CEP128: variants seen among roughly 807,000 people sequenced by gnomAD.
CEP128 encodes the protein centrosomal protein 128kDa.
Under a neutral mutation model 156.7 loss-of-function variants are expected in CEP128, and 132 were observed. That is an observed-to-expected ratio of 0.84 (90% CI 0.73 to 0.97). CEP128 has a LOEUF of 0.97. CEP128 is among the 50% of genes least tolerant of loss of function. CEP128 has a pLI of 0.00. For synonymous variants in CEP128, 469 were observed against 448.9 expected (o/e 1.04, Z -0.57); for missense variants, 1,252 against 1,281.9 (o/e 0.98, Z 0.36).
At position 80,916,576 on chromosome 14, in the gene CEP128, A is replaced by G. The variant is rs757112806; in HGVS notation, c.-15-14T>C. On this transcript the variant is annotated splice_polypyrimidine_tract_variant and intron_variant, in intron 2 of 24. Coordinates refer to ENST00000555265, the MANE Select transcript of CEP128 (RefSeq NM_152446.5). ...TGTACACAAATCCTTTTAAATAAAT[A>G]TAGGTCAAAGTTAATGAAACAGTAA... 9 of 1,598,234 alleles carry G rather than the reference A, an allele frequency of 5.6e-6. No individual in the cohort carries two copies. The African/African-American group carries it at 9.4e-5, about 17-fold the overall frequency.
chr14:80,625,769 TC>T (rs1033296073), intron 19 of CEP128, among the ~76,000 whole-genome samples: 3 of 151,714 alleles, frequency 2.0e-5, no homozygotes, highest in Non-Finnish European at 1.5e-5. Flanking sequence ...TCTTTCCCTC[TC>T]CTTCCTCTCT....
At chr14:80,856,142 A>G (rs956315761) in intron 9 of CEP128, among the ~76,000 whole-genome samples, 1 of 152,224 alleles carries the variant, frequency 6.6e-6, no homozygotes, top group East Asian at 1.9e-4. Flanking sequence ...CCCTCAGAAC[A>G]GACTAAAAGC....
At chr14:80,802,819 A>G (rs903535124) in intron 13 of CEP128, among the ~76,000 whole-genome samples, 3 of 152,240 alleles carry the variant, frequency 2.0e-5, no homozygotes, top group Admixed American at 1.3e-4. Context: ...ACTTTATGCT[A>G]ACACTAGGAT....
chr14:80,910,029 G>A (rs1383813767), intron 4 of CEP128, among the ~76,000 whole-genome samples: 1 of 152,070 alleles, frequency 6.6e-6, no homozygotes, highest in Non-Finnish European at 1.5e-5. Context: ...AAATTCTTTT[G>A]AGTCTACTAG....
Position 80,740,547 on chromosome 14 carries a change from CAGACAGAT to C in CEP128, c.2806+2520_2806+2527del, listed in dbSNP as rs1566888157. On this transcript the variant is annotated intron_variant, in intron 19 of 24. Coordinates refer to ENST00000555265, the MANE Select transcript of CEP128 (RefSeq NM_152446.5). Reference sequence around the variant, plus strand: ...ATAGATAGATAGATAGATAGATAGACAGACAGATAGATAGAAATGATGCATATTTCTTT... The same window carrying C: ...ATAGATAGATAGATAGATAGATAGACAGATAGAAATGATGCATATTTCTTT... 7.1e-5 allele frequency among the ~76,000 whole-genome samples: 7 copies of C among 99,252 alleles called. 1 individual carries two copies. Among genetic ancestry groups the C allele is most frequent in the African/African-American group, 2.1e-4 (6 of 28,142 alleles). The allele number at this position is 99,252 out of a possible 152,430, so 65.1% of individuals were successfully genotyped here.
intron 4 of CEP128, among the ~76,000 whole-genome samples, chr14:80,907,424 C>G (rs2139456150): frequency 6.6e-6 from 1 of 152,184 alleles, no homozygotes; most frequent in African/African-American, 2.4e-5. Flanking sequence ...GTTTGGGAGG[C>G]TGAGGCGGCT....
chr14:80,666,923 C>A lies in CEP128; in HGVS notation c.2806+76152G>T, dbSNP rs541393165. ...ATCAGAATGGCATAGTAAGTTCAGG[C>A]TTTGACTGTCCGTCTTTGTTTCAAA... On this transcript the variant is annotated intron_variant, in intron 19 of 24. Transcript: ENST00000555265. 2.0e-5 allele frequency among the ~76,000 whole-genome samples: 3 copies of A among 152,208 alleles called. No homozygotes were observed. In the East Asian group the frequency reaches 5.8e-4, roughly 29 times the overall value.
At position 80,711,295 on chromosome 14, in the gene CEP128, TTGTGTGTGTG is replaced by T. The variant is rs138953286; in HGVS notation, c.2806+31770_2806+31779del. 2.4e-3 allele frequency among the ~76,000 whole-genome samples: 353 copies of T among 145,844 alleles called. 3 individuals are homozygous for T. The highest frequency in any genetic ancestry group is 6.9e-3 in the African/African-American group (270 of 39,140). On this transcript the variant is annotated intron_variant, in intron 19 of 24. Transcript: ENST00000555265. ...CTAAAGACTGACATATAAGACTATG[TTGTGTGTGTG>T]TGTGTGTGTGTGTGTGTGTGTGTGT...
chr14:80,862,850 C>G lies in CEP128; in HGVS notation c.669G>C (p.Arg223=), dbSNP rs913167281. The part of the protein sequence containing the change: ...QEVVSDRVER[R]LQELEREMRT... Reference sequence around the variant, plus strand: ...GCATCTCTCTCTCCAGTTCCTGAAGCCGCCGCTCCACCCGATCTGAAACCT... The same window carrying G: ...GCATCTCTCTCTCCAGTTCCTGAAGGCGCCGCTCCACCCGATCTGAAACCT... The change falls in exon 9 of 25, where the codon CGG becomes CGC. Residue 223 remains arginine, a synonymous_variant. Transcript: ENST00000555265. The G allele has an allele frequency of 6.2e-6, 10 of 1,613,958 alleles. No individual in the cohort carries two copies. The highest frequency in any genetic ancestry group is 8.5e-6 in the Non-Finnish European group (10 of 1,179,892).
chr14:80,616,183 A>C (rs1324698799), intron 19 of CEP128, among the ~76,000 whole-genome samples: 1 of 152,248 alleles, frequency 6.6e-6, no homozygotes, highest in East Asian at 1.9e-4. Context: ...ATTCAATTTC[A>C]GTATTACATT....
At chr14:80,846,951 T>C (rs1007327561) in intron 9 of CEP128, among the ~76,000 whole-genome samples, 2 of 152,184 alleles carry the variant, frequency 1.3e-5, no homozygotes, top group Non-Finnish European at 2.9e-5. Flanking sequence ...GAATATTCTT[T>C]AATCCAGCCA....
Position 80,563,524 on chromosome 14 carries a change from C to CTTTTTTTTTTTTTTTTTTT in CEP128, c.2857-4241_2857-4223dup, listed in dbSNP as rs540593415. On this transcript the variant is annotated intron_variant, in intron 20 of 24. Transcript: ENST00000555265. ...GAAGCCTACCCATGGGCCTCCAAAT[C>CTTTTTTTTTTTTTTTTTTT]TTTTTTTTTTTTTTTTTTTTTTTTT... Among the ~76,000 whole-genome samples, 14 of 78,876 alleles carry CTTTTTTTTTTTTTTTTTTT rather than the reference C, an allele frequency of 1.8e-4. 2 individuals carry two copies. Among genetic ancestry groups the CTTTTTTTTTTTTTTTTTTT allele is most frequent in the African/African-American group, 4.1e-4 (7 of 16,976 alleles). 51.7% of individuals were successfully genotyped at this position (78,876 alleles called of 152,430 possible). A position where few individuals can be genotyped will look rare whatever the true frequency, so the allele number is the denominator to read the frequency against.
At chr14:80,861,475 A>G (rs990810986) in intron 9 of CEP128, among the ~76,000 whole-genome samples, 2 of 152,132 alleles carry the variant, frequency 1.3e-5, no homozygotes, top group East Asian at 3.8e-4. Context: ...CTGATATGAT[A>G]CTATGGGAAG....
chr14:80,722,704 C>T (rs1298317300), intron 19 of CEP128, among the ~76,000 whole-genome samples: 1 of 151,812 alleles, frequency 6.6e-6, no homozygotes, highest in Non-Finnish European at 1.5e-5. Flanking sequence ...AACAGGAATA[C>T]CAATTTTGCC....
intron 14 of CEP128, among the ~76,000 whole-genome samples, chr14:80,484,481 ACAGTAATTATTC>A (rs1887117372): frequency 6.6e-6 from 1 of 152,202 alleles, no homozygotes; most frequent in Admixed American, 6.5e-5. Flanking sequence ...CTATCAACCG[ACAGTAATTATTC>A]TGTTGGTAAA....
At chr14:80,502,558 T>G (rs1887787099) in intron 24 of CEP128, among the ~76,000 whole-genome samples, 1 of 152,224 alleles carries the variant, frequency 6.6e-6, no homozygotes, top group Non-Finnish European at 1.5e-5. Flanking sequence ...TTCACATTGT[T>G]TTCCACCTTT....
chr14:80,878,702 C>A (rs946354121), intron 8 of CEP128, among the ~76,000 whole-genome samples: 3 of 152,126 alleles, frequency 2.0e-5, no homozygotes, highest in Non-Finnish European at 4.4e-5. Flanking sequence ...TGCTTCCCAA[C>A]CCCCTGGGCC....
chr14:80,720,121 G>A (rs1009314095), intron 19 of CEP128, among the ~76,000 whole-genome samples: 1 of 151,632 alleles, frequency 6.6e-6, no homozygotes, highest in African/African-American at 2.4e-5. Flanking sequence ...GGGTAAACGA[G>A]ATGGGGGCAA....
intron 13 of CEP128, among the ~76,000 whole-genome samples, chr14:80,798,302 A>G (rs894973169): frequency 3.3e-5 from 5 of 152,212 alleles, no homozygotes; most frequent in Admixed American, 1.3e-4. Context: ...TATTACAGTC[A>G]TAATTATGTT....
Sources: gnomAD v4.1 joint callset for allele counts (sites outside exome capture counted in the v4.1 genomes callset) on GRCh38, gnomAD v4.1.1 for gene constraint, MANE v1.5 for transcripts, NCBI Gene and HGNC (gene_info 2026-07-23, HGNC 2026-07-21) for gene names.